NRG3: variants seen among roughly 807,000 people sequenced by gnomAD.
NRG3 encodes the protein neuregulin 3, also known as pro-neuregulin-3, membrane-bound isoform.
NRG3 carries 31 observed loss-of-function variants against 66.9 expected under a neutral mutation model. The ratio of observed to expected loss-of-function variants is 0.46; its 90% confidence interval spans 0.35 to 0.63. NRG3 has a LOEUF of 0.63. Among genes scored for constraint, NRG3 ranks in the 20% least tolerant of loss-of-function variants. The pLI is 0.00. For missense variants in NRG3, 910 were observed against 878.9 expected (o/e 1.04, Z -0.45); for synonymous variants, 393 against 359.4 (o/e 1.09, Z -1.06).
intron 3 of NRG3, among the ~76,000 whole-genome samples, chr10:82,764,674 C>A (rs1479749657): frequency 6.6e-6 from 1 of 151,962 alleles, no homozygotes; most frequent in African/African-American, 2.4e-5. Context: ...CCACACCCAG[C>A]CAGCAAATAA....
intron 3 of NRG3, among the ~76,000 whole-genome samples, chr10:82,846,839 C>G (rs917542664): frequency 6.6e-6 from 1 of 152,180 alleles, no homozygotes; most frequent in Non-Finnish European, 1.5e-5. Context: ...AACAGAACCA[C>G]ATAGAATATA....
intron 1 of NRG3, among the ~76,000 whole-genome samples, chr10:82,298,880 C>T (rs565402937): frequency 8.5e-5 from 13 of 152,234 alleles, no homozygotes; most frequent in South Asian, 2.1e-4. Context: ...TCTTCTCATA[C>T]GGAGGTGTTC....
chr10:82,444,834 A>C (rs2090630184), intron 2 of NRG3, among the ~76,000 whole-genome samples: 1 of 152,230 alleles, frequency 6.6e-6, no homozygotes, highest in Admixed American at 6.5e-5. Flanking sequence ...AGAGTGCTAC[A>C]GGTCAAATCC....
intron 1 of NRG3, among the ~76,000 whole-genome samples, chr10:82,162,918 C>T (rs2071716025): frequency 6.6e-6 from 1 of 152,178 alleles, no homozygotes; most frequent in South Asian, 2.1e-4. Flanking sequence ...CTCTAATTAA[C>T]AGCTACTTTA....
At chr10:82,939,716 G>T (rs946383899) in intron 4 of NRG3, among the ~76,000 whole-genome samples, 34 of 152,032 alleles carry the variant, frequency 2.2e-4, no homozygotes, top group Middle Eastern at 3.4e-3. Flanking sequence ...TGATCCACCC[G>T]CCTCGGCCTC....
intron 1 of NRG3, among the ~76,000 whole-genome samples, chr10:82,142,765 TC>T (rs1157301613): frequency 2.5e-5 from 2 of 79,948 alleles, no homozygotes; most frequent in African/African-American, 8.6e-5. Context: ...TCTCTCTCGC[TC>T]TTTTTTTTTT....
rs200688318 is a variant in NRG3, at chr10:82,776,817, A to G, written c.1027+38167A>G. On this transcript the variant is annotated intron_variant, in intron 3 of 8. Transcript: ENST00000372141. ...TCTTAAATTTCACAATCAGATTATG[A>G]ATTATTTTCTTGATCTTACTGAATT... Among the ~76,000 whole-genome samples the G allele has an allele frequency of 3.0e-4, 45 of 152,084 alleles. No individual in the cohort carries two copies. The East Asian group carries it at 8.4e-3, about 28-fold the overall frequency.
chr10:82,938,448 A>T (rs574428302), intron 4 of NRG3, among the ~76,000 whole-genome samples: 34 of 152,312 alleles, frequency 2.2e-4, no homozygotes, highest in Middle Eastern at 3.4e-3. Context: ...CTGACTCGAG[A>T]CAGCTCCTGA....
At chr10:82,685,657 A>T (rs902795111) in intron 2 of NRG3, among the ~76,000 whole-genome samples, 13 of 152,058 alleles carry the variant, frequency 8.5e-5, no homozygotes, top group South Asian at 4.2e-4. Flanking sequence ...TAAACTTGTA[A>T]TTTTTTTTAC....
At chr10:81,956,936 C>T (rs1849892097) in intron 1 of NRG3, among the ~76,000 whole-genome samples, 1 of 152,194 alleles carries the variant, frequency 6.6e-6, no homozygotes. Flanking sequence ...TTCCCTAAAA[C>T]ATTAATCTCT....
At chr10:82,963,265 G>C (rs751349858) in intron 6 of NRG3, among the ~76,000 whole-genome samples, 2 of 152,188 alleles carry the variant, frequency 1.3e-5, no homozygotes, top group Non-Finnish European at 2.9e-5. Flanking sequence ...ATTTTGGCCA[G>C]TTTTGAGGAC....
At chr10:82,079,125 A>T (rs780956889) in intron 1 of NRG3, among the ~76,000 whole-genome samples, 5 of 151,466 alleles carry the variant, frequency 3.3e-5, no homozygotes, top group Non-Finnish European at 7.4e-5. Context: ...GCTCACTGCA[A>T]CCTCCGCCTC....
intron 2 of NRG3, among the ~76,000 whole-genome samples, chr10:82,375,499 C>G (rs1589896859): frequency 6.7e-6 from 1 of 149,878 alleles, no homozygotes; most frequent in South Asian, 2.1e-4. Context: ...ATCGTGCCAC[C>G]GCACTCCAGC....
chr10:82,918,694 T>C (rs971793750), intron 4 of NRG3, among the ~76,000 whole-genome samples: 13 of 152,174 alleles, frequency 8.5e-5, no homozygotes, highest in African/African-American at 3.1e-4. Flanking sequence ...TCCCACTTTC[T>C]TGGCCCTAAG....
At chr10:82,077,576 A>C (rs1264096910) in intron 1 of NRG3, among the ~76,000 whole-genome samples, 1 of 152,186 alleles carries the variant, frequency 6.6e-6, no homozygotes, top group Non-Finnish European at 1.5e-5. Context: ...TTTCTGGAAG[A>C]AGTAGGGGTT....
chr10:82,723,796 A>G (rs1195679228), intron 2 of NRG3, among the ~76,000 whole-genome samples: 2 of 152,120 alleles, frequency 1.3e-5, no homozygotes, highest in African/African-American at 4.8e-5. Flanking sequence ...ACTGGCCAAC[A>G]TGGTGAAACC....
chr10:82,187,611 G>A (rs566969325), intron 1 of NRG3, among the ~76,000 whole-genome samples: 10 of 151,858 alleles, frequency 6.6e-5, no homozygotes, highest in South Asian at 4.2e-4. Context: ...TTTTTTTTGC[G>A]GGGAAGAGGT....
intron 2 of NRG3, among the ~76,000 whole-genome samples, chr10:82,553,632 GA>G (rs2044469898): frequency 6.6e-6 from 1 of 152,098 alleles, no homozygotes; most frequent in Non-Finnish European, 1.5e-5. Context: ...GAATGCGAAA[GA>G]ATCCATGGAC....
chr10:81,959,324 A>G (rs1355026383), intron 1 of NRG3, among the ~76,000 whole-genome samples: 1 of 152,178 alleles, frequency 6.6e-6, no homozygotes, highest in African/African-American at 2.4e-5. Flanking sequence ...ATGAAATAAT[A>G]CATATCCTCA....
Sources: gnomAD v4.1 joint callset for allele counts (sites outside exome capture counted in the v4.1 genomes callset) on GRCh38, gnomAD v4.1.1 for gene constraint, MANE v1.5 for transcripts, NCBI Gene and HGNC (gene_info 2026-07-23, HGNC 2026-07-21) for gene names.